The following ULK4 variants were observed in gnomAD, a reference collection of about 807,000 sequenced individuals.
ULK4 encodes unc-51 like kinase 4.
ULK4 carries 133 observed loss-of-function variants against 160.6 expected under a neutral mutation model. That is an observed-to-expected ratio of 0.83 (90% CI 0.72 to 0.96). The LOEUF (loss-of-function observed/expected upper bound fraction) is 0.96, where lower values mean the gene tolerates loss of function less well. Among genes scored for constraint, ULK4 ranks in the 40% least tolerant of loss-of-function variants. The probability of loss-of-function intolerance (pLI) is 0.00; values close to 1 mark genes in which losing one functional copy is unlikely to be tolerated. For missense variants in ULK4, 1,580 were observed against 1,499.5 expected (o/e 1.05, Z -0.89); for synonymous variants, 534 against 539.8 (o/e 0.99, Z 0.15).
At chr3:41,859,824 A>ATTTTTTTT (rs397875093) in intron 17 of ULK4, among the ~76,000 whole-genome samples, 9 of 115,906 alleles carry the variant, frequency 7.8e-5, no homozygotes, top group Non-Finnish European at 1.6e-4. Flanking sequence ...TGCCTGGCTA[A>ATTTTTTTT]TTTTTTTTTT....
chr3:41,384,416 T>A (rs1293472729), intron 35 of ULK4, among the ~76,000 whole-genome samples: 4 of 152,098 alleles, frequency 2.6e-5, no homozygotes, highest in Admixed American at 2.6e-4. Context: ...AAGACTATAA[T>A]AGTCATTTTT....
At chr3:41,910,387 A>G (rs1202748325) in intron 11 of ULK4, among the ~76,000 whole-genome samples, 1 of 152,124 alleles carries the variant, frequency 6.6e-6, no homozygotes, top group African/African-American at 2.4e-5. Context: ...TAAGGTCAGG[A>G]GTTCAAGACA....
At chr3:41,558,768 G>A (rs570895079) in intron 32 of ULK4, among the ~76,000 whole-genome samples, 17 of 151,686 alleles carry the variant, frequency 1.1e-4, no homozygotes, top group Admixed American at 4.6e-4. Flanking sequence ...TTCGGTGGGC[G>A]GGGGGAAATT....
rs141914789 is a variant in ULK4, at chr3:41,311,960, A to ATTTATTTTATTTTATTTTATTTTAT, written c.3679-62411_3679-62387dup. On this transcript the variant is annotated intron_variant, in intron 35 of 36. Transcript: ENST00000301831. Reference sequence around the variant, plus strand: ...AGAGGACATATTTCTTCTAACACACATTTATTTTATTTTATTTTATTTTAT... The same window carrying ATTTATTTTATTTTATTTTATTTTAT: ...AGAGGACATATTTCTTCTAACACACATTTATTTTATTTTATTTTATTTTATTTTATTTTATTTTATTTTATTTTAT... Among the ~76,000 whole-genome samples the ATTTATTTTATTTTATTTTATTTTAT allele has an allele frequency of 4.2e-3, 622 of 147,334 alleles. 10 individuals carry two copies. Among genetic ancestry groups the ATTTATTTTATTTTATTTTATTTTAT allele is most frequent in the African/African-American group, 0.013 (504 of 38,226 alleles).
intron 17 of ULK4, among the ~76,000 whole-genome samples, chr3:41,862,231 CTTGA>C (rs59937458): frequency 0.13 from 20,017 of 150,268 alleles, 4,266 homozygotes; most frequent in African/African-American, 0.45. Flanking sequence ...AGAATTTCTG[CTTGA>C]TTGTTTTTAA....
intron 31 of ULK4, among the ~76,000 whole-genome samples, chr3:41,566,551 A>G (rs2087790586): frequency 6.6e-6 from 1 of 152,248 alleles, no homozygotes; most frequent in African/African-American, 2.4e-5. Flanking sequence ...CCACTTTAGT[A>G]CATTTGATCT....
At chr3:41,364,441 T>C (rs759605059) in intron 35 of ULK4, among the ~76,000 whole-genome samples, 1 of 152,230 alleles carries the variant, frequency 6.6e-6, no homozygotes, top group Non-Finnish European at 1.5e-5. Flanking sequence ...ATGTAAATAT[T>C]GTCATTTTAA....
chr3:41,731,970 AC>A (rs1444002001), intron 22 of ULK4, among the ~76,000 whole-genome samples: 2 of 152,200 alleles, frequency 1.3e-5, no homozygotes, highest in Non-Finnish European at 2.9e-5. Flanking sequence ...CTCACCGTAT[AC>A]AAAAATCAAG....
intron 35 of ULK4, among the ~76,000 whole-genome samples, chr3:41,280,719 A>G (rs1239457076): frequency 6.6e-6 from 1 of 152,206 alleles, no homozygotes; most frequent in African/African-American, 2.4e-5. Context: ...AAGATCTAAA[A>G]TTGACATCCT....
intron 14 of ULK4, 105 bp from the exon 15 acceptor site, chr3:41,897,108 A>G: frequency 9.4e-7 from 1 of 1,064,862 alleles, no homozygotes; most frequent in Non-Finnish European, 1.3e-6. Context: ...AGATGAGGAC[A>G]AACATTACAC....
chr3:41,458,488 G>T (rs2083605786), intron 33 of ULK4, among the ~76,000 whole-genome samples: 1 of 152,092 alleles, frequency 6.6e-6, no homozygotes, highest in Non-Finnish European at 1.5e-5. Flanking sequence ...TGTAATTCCA[G>T]CACGTTGGGA....
At chr3:41,306,237 G>T (rs1342960982) in intron 35 of ULK4, among the ~76,000 whole-genome samples, 2 of 91,178 alleles carry the variant, frequency 2.2e-5, no homozygotes, top group Non-Finnish European at 2.0e-5. Context: ...TCAGCCCCCC[G>T]CCCGGCCAGC....
intron 32 of ULK4, among the ~76,000 whole-genome samples, chr3:41,477,694 T>C (rs1326294887): frequency 6.6e-6 from 1 of 152,234 alleles, no homozygotes; most frequent in Non-Finnish European, 1.5e-5. Flanking sequence ...AAAGTGGCAA[T>C]GCCTGTCTTG....
chr3:41,794,686 A>AAAAAAAAAAAAAAAAAAAAAAAAAC (rs1553654814), intron 20 of ULK4, among the ~76,000 whole-genome samples: 4 of 112,426 alleles, frequency 3.6e-5, no homozygotes, highest in African/African-American at 1.7e-4. Flanking sequence ...AAAAAAAAAA[A>AAAAAAAAAAAAAAAAAAAAAAAAAC]CACAGAAAAA....
intron 35 of ULK4, among the ~76,000 whole-genome samples, chr3:41,278,783 C>T (rs1056625022): frequency 1.3e-5 from 2 of 152,152 alleles, no homozygotes; most frequent in African/African-American, 4.8e-5. Context: ...ACCAAAATCC[C>T]ACCCATAGGT....
chr3:41,873,810 C>A (rs1403011169), intron 17 of ULK4, among the ~76,000 whole-genome samples: 1 of 151,900 alleles, frequency 6.6e-6, no homozygotes, highest in Non-Finnish European at 1.5e-5. Context: ...GCCTCAGCCT[C>A]CCAAAAGTGC....
chr3:41,784,091 A>G (rs1341592838), intron 21 of ULK4, among the ~76,000 whole-genome samples: 1 of 152,202 alleles, frequency 6.6e-6, no homozygotes, highest in Non-Finnish European at 1.5e-5. Flanking sequence ...CCCTACATCT[A>G]GCAGTGATTC....
At chr3:41,806,695 C>T (rs1343089533) in intron 19 of ULK4, among the ~76,000 whole-genome samples, 3 of 151,950 alleles carry the variant, frequency 2.0e-5, no homozygotes, top group Admixed American at 6.6e-5. Flanking sequence ...TCTTTGTTCT[C>T]GTTGGTTTCA....
chr3:41,522,962 A>G (rs547631890), intron 32 of ULK4, among the ~76,000 whole-genome samples: 2 of 152,254 alleles, frequency 1.3e-5, no homozygotes, highest in South Asian at 4.2e-4. Flanking sequence ...CCCAGGCTGG[A>G]GTACAGTGGC....
Sources: allele counts gnomAD v4.1 joint callset (sites outside exome capture counted in the v4.1 genomes callset), GRCh38; gene constraint gnomAD v4.1.1; transcripts MANE v1.5; gene names NCBI Gene and HGNC (gene_info 2026-07-23, HGNC 2026-07-21).